Variants in COMMD10 observed in about 807,000 individuals in gnomAD.
COMMD10 encodes COMM domain containing 10.
Under a neutral mutation model 28.9 loss-of-function variants are expected in COMMD10, and 33 were observed. The observed-to-expected ratio is 1.14, with a 90% CI of 0.87 to 1.53. The LOEUF is 1.53. Among genes scored for constraint, COMMD10 ranks in the 40% most tolerant of loss-of-function variants. COMMD10 has a pLI of 0.00. For missense variants in COMMD10, 310 were observed against 233.4 expected, an observed-to-expected ratio of 1.33 and a Z score of -2.14; for synonymous variants, 110 against 81.7, an observed-to-expected ratio of 1.35 and a Z score of -1.87.
chr5:116,227,046 CCT>C (rs932066734), intron 5 of COMMD10, among the ~76,000 whole-genome samples: 18 of 152,142 alleles, frequency 1.2e-4, no homozygotes, highest in African/African-American at 3.9e-4. Flanking sequence ...TCACTCTCCC[CCT>C]CTTTTGCCTT....
At chr5:116,223,555 C>CT (rs1421336140) in intron 5 of COMMD10, among the ~76,000 whole-genome samples, 1 of 152,054 alleles carries the variant, frequency 6.6e-6, no homozygotes, top group Non-Finnish European at 1.5e-5. Flanking sequence ...GCTCATGGTG[C>CT]TTTTGGAACA....
chr5:116,289,956 T>A (rs1170054088), intron 5 of COMMD10, among the ~76,000 whole-genome samples: 1 of 151,912 alleles, frequency 6.6e-6, no homozygotes, highest in Non-Finnish European at 1.5e-5. Context: ...TTTTCGAAGT[T>A]ACATTTCTTC....
intron 5 of COMMD10, among the ~76,000 whole-genome samples, chr5:116,289,416 C>T (rs1205214160): frequency 1.3e-5 from 2 of 151,840 alleles, no homozygotes; most frequent in Admixed American, 6.6e-5. Flanking sequence ...TTCACTAATA[C>T]CCCAGCTGGG....
At chr5:116,094,498 T>G (rs1477344827) in intron 4 of COMMD10, among the ~76,000 whole-genome samples, 2 of 152,180 alleles carry the variant, frequency 1.3e-5, no homozygotes, top group African/African-American at 2.4e-5. Context: ...GAATGGCTAT[T>G]ATTAAAAAGA....
intron 5 of COMMD10, among the ~76,000 whole-genome samples, chr5:116,153,078 A>G (rs982247558): frequency 6.6e-6 from 1 of 152,140 alleles, no homozygotes; most frequent in African/African-American, 2.4e-5. Flanking sequence ...TCGACACTAC[A>G]CATGAATGAC....
intron 4 of COMMD10, among the ~76,000 whole-genome samples, chr5:116,110,542 A>C (rs1329765397): frequency 6.6e-6 from 1 of 152,168 alleles, no homozygotes; most frequent in African/African-American, 2.4e-5. Flanking sequence ...CTCACTACCC[A>C]TTATTGGTCT....
rs746582688 is a variant in COMMD10, at chr5:116,092,618, C to T, written c.317C>T (p.Ala106Val). The change falls in exon 4 of 7, where the codon GCT (alanine) becomes GTT (valine). Residue 106 changes from alanine to valine, a missense_variant. Ala to Val is a moderately conservative substitution (Grantham distance 64). Transcript: ENST00000274458. ...LENIHLRQDK[A>V]EAFVNTWSSM... ...AACATTCATCTTAGACAAGACAAAG[C>T]TGAAGCATTTGTCAATACGTGGTCT... is the stretch of plus-strand genomic sequence containing the variant. 3 of 1,611,104 alleles carry T rather than the reference C, an allele frequency of 1.9e-6. No individual in the cohort carries two copies. The highest frequency in any genetic ancestry group is 1.3e-5 in the African/African-American group (1 of 74,972).
chr5:116,162,002 C>T (rs1345415227), intron 5 of COMMD10, among the ~76,000 whole-genome samples: 2 of 152,082 alleles, frequency 1.3e-5, no homozygotes, highest in African/African-American at 4.8e-5. Context: ...TAATGATGGT[C>T]CAATTTTCAT....
At chr5:116,108,868 G>A (rs763076809) in intron 4 of COMMD10, among the ~76,000 whole-genome samples, 22 of 152,252 alleles carry the variant, frequency 1.4e-4, no homozygotes, top group Non-Finnish European at 2.2e-4. Context: ...TGTGAAGACC[G>A]TGGGAAAAGC....
chr5:116,178,694 C>T (rs554993723), intron 5 of COMMD10, among the ~76,000 whole-genome samples: 3 of 152,120 alleles, frequency 2.0e-5, no homozygotes, highest in South Asian at 2.1e-4. Flanking sequence ...ACTTTCTAGC[C>T]TAGATGGGCC....
chr5:116,270,905 C>G (rs1389311674), intron 5 of COMMD10, among the ~76,000 whole-genome samples: 1 of 151,664 alleles, frequency 6.6e-6, no homozygotes, highest in Non-Finnish European at 1.5e-5. Flanking sequence ...CACCATTACA[C>G]TCCAGCATGG....
Position 116,238,801 on chromosome 5 carries a change from G to T in COMMD10, c.511-52716G>T, listed in dbSNP as rs541773821. Among the ~76,000 whole-genome samples the T allele has an allele frequency of 2.6e-5, 4 of 152,214 alleles. No homozygotes were observed. In the East Asian group the frequency reaches 7.7e-4, roughly 29 times the overall value. On this transcript the variant is annotated intron_variant, in intron 5 of 6. Coordinates refer to ENST00000274458, the MANE Select transcript of COMMD10 (RefSeq NM_016144.4). ...AACCAGGTTTGTGAGGGAGAGACTG[G>T]GCTTTGACATAGTACCACTGGATAA...
At chr5:116,146,843 G>A (rs10900713) in intron 5 of COMMD10, among the ~76,000 whole-genome samples, 124,492 of 151,724 alleles carry the variant, frequency 0.82, 51,231 homozygotes, top group African/African-American at 0.84. Context: ...GGTATTGGGA[G>A]AAGGGAAGAT....
intron 6 of COMMD10, 45 bp downstream of exon 6, chr5:116,291,621 A>G (rs761809169): frequency 1.8e-6 from 2 of 1,117,492 alleles, no homozygotes; most frequent in South Asian, 1.5e-5. Flanking sequence ...AGTTTTTTTC[A>G]TAATATTTTG....
intron 5 of COMMD10, among the ~76,000 whole-genome samples, chr5:116,288,581 A>G (rs1561410522): frequency 6.6e-6 from 1 of 151,664 alleles, no homozygotes; most frequent in Non-Finnish European, 1.5e-5. Context: ...TCATGCATAT[A>G]TGGACCTGGT....
In COMMD10 at chr5:116,087,523, A is replaced by G. The variant is rs761103254; in HGVS notation, c.68A>G (p.Asn23Ser). 4 of 1,611,734 alleles carry G rather than the reference A, an allele frequency of 2.5e-6. No individual in the cohort carries two copies. In the South Asian group the frequency reaches 3.3e-5, roughly 13 times the overall value. Residue 23 changes from asparagine to serine, a missense_variant, in exon 2 of 7, where the codon AAT (asparagine) becomes AGT (serine). By Grantham distance (46) the Asn-to-Ser change is conservative (BLOSUM62 1). Transcript: ENST00000274458. ...PSMKKAVSLINAIDTGRFPRL... is the reference protein window; with the variant it reads ...PSMKKAVSLISAIDTGRFPRL... Reference sequence around the variant, plus strand: ...ATGAAGAAAGCAGTGTCACTGATAAATGCAATAGATACAGGAAGATTTCCA... The same window carrying G: ...ATGAAGAAAGCAGTGTCACTGATAAGTGCAATAGATACAGGAAGATTTCCA...
At chr5:116,123,816 G>A (rs1198310678) in intron 4 of COMMD10, among the ~76,000 whole-genome samples, 1 of 151,956 alleles carries the variant, frequency 6.6e-6, no homozygotes, top group Admixed American at 6.6e-5. Context: ...ATGTGTCCAG[G>A]AATTTATCCA....
At chr5:116,219,258 C>T (rs1749181431) in intron 5 of COMMD10, among the ~76,000 whole-genome samples, 1 of 152,064 alleles carries the variant, frequency 6.6e-6, no homozygotes, top group South Asian at 2.1e-4. Flanking sequence ...TCGTTAATGG[C>T]AGCCCTAGCA....
chr5:116,273,428 T>C (rs1750810451), intron 5 of COMMD10, among the ~76,000 whole-genome samples: 1 of 151,790 alleles, frequency 6.6e-6, no homozygotes, highest in African/African-American at 2.4e-5. Flanking sequence ...AGAAGATGTC[T>C]TCGAAAGCTT....
Sources: allele counts gnomAD v4.1 joint callset (sites outside exome capture counted in the v4.1 genomes callset), GRCh38; gene constraint gnomAD v4.1.1; transcripts MANE v1.5; gene names NCBI Gene and HGNC (gene_info 2026-07-23, HGNC 2026-07-21).